Variants in RHCE observed in about 807,000 individuals in gnomAD.
RHCE encodes the protein Rh blood group CcEe antigens.
Under a neutral mutation model 43.8 loss-of-function variants are expected in RHCE, and 22 were observed. The observed-to-expected ratio is 0.50, with a 90% CI of 0.36 to 0.72. RHCE has a LOEUF of 0.72. Ranked by LOEUF, RHCE falls within the 30% of genes least tolerant of loss-of-function variation. RHCE has a pLI of 0.00. For missense variants in RHCE, 385 were observed against 525.4 expected (o/e 0.73, Z 2.61); for synonymous variants, 156 against 210.7 (o/e 0.74, Z 2.25).
intron 1 of RHCE, 99 bp downstream of exon 1, chr1:25,420,540 T>C: frequency 6.2e-7 from 1 of 1,609,266 alleles, no homozygotes; most frequent in Non-Finnish European, 8.5e-7. Flanking sequence ...CCTCGGGATT[T>C]TGTAGAAAGG....
At position 25,389,662 on chromosome 1, in the gene RHCE, T is replaced by A. The variant is rs1470762836; in HGVS notation, c.802-549A>T. On this transcript the variant is annotated intron_variant, in intron 5 of 9. Transcript: ENST00000294413. ...CACATATAAAGCTCTTAGTCCAGTGTCTGGCATAGAACATGAATAAATGCC... is the reference window on the plus strand; with the variant it reads ...CACATATAAAGCTCTTAGTCCAGTGACTGGCATAGAACATGAATAAATGCC... 2.6e-5 allele frequency among the ~76,000 whole-genome samples: 4 copies of A among 152,190 alleles called. No individual in the cohort carries two copies. In the East Asian group the frequency reaches 7.7e-4, roughly 29 times the overall value.
intron 3 of RHCE, among the ~76,000 whole-genome samples, chr1:25,401,101 C>T (rs1197038263): frequency 6.6e-6 from 1 of 152,236 alleles, no homozygotes; most frequent in East Asian, 1.9e-4. Context: ...CTCTGCCCAA[C>T]ACTCCCTAGT....
intron 7 of RHCE, among the ~76,000 whole-genome samples, chr1:25,380,447 A>G (rs1289404074): frequency 6.7e-6 from 1 of 149,796 alleles, no homozygotes; most frequent in Non-Finnish European, 1.5e-5. Context: ...TGATAGCTCT[A>G]CCATTCTGGG....
intron 1 of RHCE, among the ~76,000 whole-genome samples, chr1:25,414,534 G>C (rs1484577252): frequency 6.6e-6 from 1 of 152,096 alleles, no homozygotes; most frequent in Non-Finnish European, 1.5e-5. Context: ...CAAAGGGGCA[G>C]ACCAAAGCTG....
intron 7 of RHCE, among the ~76,000 whole-genome samples, chr1:25,379,479 ATATATATATATATATATTTTTT>A (rs1187179629): frequency 1.1e-4 from 3 of 26,412 alleles, no homozygotes; most frequent in African/African-American, 6.1e-4. Flanking sequence ...ATATATATAT[ATATATATATATATATATTTTTT>A]TTTTTTTTTT....
At chr1:25,383,717 T>C (rs1036478901) in intron 7 of RHCE, among the ~76,000 whole-genome samples, 4 of 152,004 alleles carry the variant, frequency 2.6e-5, no homozygotes, top group Non-Finnish European at 5.9e-5. Context: ...AACTGCTTCT[T>C]GGTCCTCAAC....
At chr1:25,383,144 G>T (rs1230962131) in intron 7 of RHCE, among the ~76,000 whole-genome samples, 1 of 152,180 alleles carries the variant, frequency 6.6e-6, no homozygotes, top group African/African-American at 2.4e-5. Context: ...ACTGAGAATT[G>T]AAAAAGAGTA....
At chr1:25,395,463 T>A (rs541976027) in intron 3 of RHCE, among the ~76,000 whole-genome samples, 1 of 152,330 alleles carries the variant, frequency 6.6e-6, no homozygotes, top group South Asian at 2.1e-4. Flanking sequence ...TGGCTTCTCA[T>A]AGTCAGTTCT....
rs781384610 is a variant in RHCE, at chr1:25,388,977, G to A, written c.938C>T (p.Pro313Leu). ...LISIGGAKCL[P>L]VCCNRVLGIH... ...AGCATTAGTTGTCTAGTTTCTTACC[G>A]GCAGGCACTTGGCTCCCCCGATGGA... Residue 313 changes from proline (P) to leucine (L), a missense_variant and splice_region_variant, in exon 6 of 10, where the codon CCG becomes CTG. Pro to Leu is a moderately conservative substitution (Grantham distance 98). Around this residue, in one of 6 missense-constraint regions of RHCE, gnomAD observed 82 missense variants for 69.2 expected, o/e 1.18. Transcript: ENST00000294413. 1.5e-5 allele frequency: 24 copies of A among 1,614,080 alleles called. No individual in the cohort carries two copies. Among genetic ancestry groups the A allele is most frequent in the East Asian group, 6.7e-5 (3 of 44,900 alleles).
chr1:25,410,413 T>A (rs1389915413), intron 1 of RHCE, among the ~76,000 whole-genome samples: 2 of 152,160 alleles, frequency 1.3e-5, no homozygotes, highest in Non-Finnish European at 2.9e-5. Flanking sequence ...GTGTTTAAAT[T>A]TTCTGCAACC....
chr1:25,420,872 T>C (rs1423024999), upstream of RHCE: 68 of 1,556,676 alleles, frequency 4.4e-5, no homozygotes, highest in Middle Eastern at 2.3e-4. Context: ...GAGGGAGCGA[T>C]AGGGGAGACA....
chr1:25,387,895 A>G (rs1646230811), intron 6 of RHCE, among the ~76,000 whole-genome samples: 1 of 151,530 alleles, frequency 6.6e-6, no homozygotes. Flanking sequence ...ATTTCGGCTC[A>G]CTGCAAGCTC....
intron 2 of RHCE, among the ~76,000 whole-genome samples, chr1:25,404,861 G>A (rs1231845713): frequency 6.6e-6 from 1 of 151,326 alleles, no homozygotes; most frequent in African/African-American, 2.4e-5. Context: ...TATCTTCTAG[G>A]GAGAGTCCTG....
At chr1:25,404,117 G>A (rs1013822590) in intron 2 of RHCE, among the ~76,000 whole-genome samples, 19 of 139,868 alleles carry the variant, frequency 1.4e-4, no homozygotes, top group Middle Eastern at 4.5e-3. Context: ...GCAGTCAGCC[G>A]AGATTGCACC....
chr1:25,420,863 A>C, upstream of RHCE: 1 of 1,556,810 alleles, frequency 6.4e-7, no homozygotes, highest in East Asian at 2.3e-5. Context: ...TGAGGGCTTG[A>C]GGGAGCGATA....
At chr1:25,370,781 C>T (rs1645583868) in intron 8 of RHCE, among the ~76,000 whole-genome samples, 1 of 150,376 alleles carries the variant, frequency 6.6e-6, no homozygotes, top group Non-Finnish European at 1.5e-5. Flanking sequence ...CAGAGTCTCA[C>T]TCTATCACCC....
chr1:25,376,473 T>A (rs28449665), intron 7 of RHCE, among the ~76,000 whole-genome samples: 1 of 152,244 alleles, frequency 6.6e-6, no homozygotes, highest in Non-Finnish European at 1.5e-5. Flanking sequence ...TGCAGCCTCA[T>A]GGGGTGGACC....
At chr1:25,395,248 T>C (rs2124445320) in intron 3 of RHCE, among the ~76,000 whole-genome samples, 1 of 144,908 alleles carries the variant, frequency 6.9e-6, no homozygotes, top group South Asian at 2.2e-4. Flanking sequence ...TCTCTCTCCC[T>C]GGACTACAGA....
rs772739262 is a variant in RHCE, at chr1:25,385,711, A to G, written c.1073T>C (p.Met358Thr). 2.5e-5 allele frequency: 40 copies of G among 1,614,042 alleles called. No individual in the cohort carries two copies. Among genetic ancestry groups the G allele is most frequent in the Non-Finnish European group, 3.4e-5 (40 of 1,180,000 alleles). ...ATGGGGGGTAAGCCCAGTGACCCAC[A>G]TGCCATTGCCGTTCCAGACAGTATG... ...VLHTVWNGNG[M>T]IGFQVLLSIG... is the part of the protein sequence containing the mutation. The change falls in exon 7 of 10, where the codon ATG becomes ACG. Residue 358 changes from methionine to threonine, a missense_variant and splice_region_variant. Around this residue, in one of 6 missense-constraint regions of RHCE, gnomAD observed 82 missense variants for 69.2 expected, o/e 1.18. Transcript: ENST00000294413.
Sources: gnomAD v4.1 joint callset for allele counts (sites outside exome capture counted in the v4.1 genomes callset) on GRCh38, gnomAD v4.1.1 for gene constraint, gnomAD v4.1.1 regional missense constraint, MANE v1.5 for transcripts, NCBI Gene and HGNC (gene_info 2026-07-23, HGNC 2026-07-21) for gene names.